PTPRE: variants seen among roughly 807,000 people sequenced by gnomAD.
PTPRE encodes the protein receptor-type tyrosine-protein phosphatase epsilon.
Under a neutral mutation model 102.0 loss-of-function variants are expected in PTPRE, and 51 were observed. The observed-to-expected ratio is 0.50, with a 90% CI of 0.40 to 0.63. The LOEUF (loss-of-function observed/expected upper bound fraction) is 0.63, where lower values mean the gene tolerates loss of function less well. Among genes scored for constraint, PTPRE ranks in the 30% least tolerant of loss-of-function variants. PTPRE has a pLI of 0.00. For missense variants in PTPRE, 752 were observed against 915.1 expected, an observed-to-expected ratio of 0.82 and a Z score of 2.30; for synonymous variants, 345 against 348.2, an observed-to-expected ratio of 0.99 and a Z score of 0.10.
intron 1 of PTPRE, among the ~76,000 whole-genome samples, chr10:127,931,043 G>C (rs1025821198): frequency 6.6e-6 from 1 of 151,972 alleles, no homozygotes; most frequent in Non-Finnish European, 1.5e-5. Context: ...CACCCGCCTC[G>C]GCCTTCCAAA....
At chr10:128,027,858 G>C (rs1846397579) in intron 2 of PTPRE, among the ~76,000 whole-genome samples, 1 of 152,166 alleles carries the variant, frequency 6.6e-6, no homozygotes, top group Non-Finnish European at 1.5e-5. Context: ...CCTGACGTTT[G>C]AGCCCACCTG....
At chr10:127,963,700 G>C (rs1850012591) in intron 1 of PTPRE, among the ~76,000 whole-genome samples, 2 of 152,080 alleles carry the variant, frequency 1.3e-5, no homozygotes, top group Admixed American at 6.5e-5. Context: ...ATGCATGCGT[G>C]CGTGCACACA....
At chr10:127,942,433 C>T (rs1040827063) in intron 1 of PTPRE, among the ~76,000 whole-genome samples, 6 of 152,226 alleles carry the variant, frequency 3.9e-5, no homozygotes, top group African/African-American at 1.4e-4. Flanking sequence ...GGGCACTCAA[C>T]TTGATCCTTT....
chr10:128,015,980 A>T (rs556288574), intron 2 of PTPRE, among the ~76,000 whole-genome samples: 1 of 152,292 alleles, frequency 6.6e-6, no homozygotes, highest in South Asian at 2.1e-4. Flanking sequence ...GCGTGTTTCC[A>T]CTTAGAGGAA....
intron 1 of PTPRE, among the ~76,000 whole-genome samples, chr10:127,932,438 G>C (rs749912689): frequency 1.3e-5 from 2 of 152,208 alleles, no homozygotes; most frequent in African/African-American, 4.8e-5. Flanking sequence ...TATGTGTACA[G>C]TTCTTCTGGG....
At chr10:127,998,091 A>G (rs1853458514) in intron 2 of PTPRE, 2 of 152,252 alleles carry the variant, frequency 1.3e-5, no homozygotes, top group African/African-American at 4.8e-5. Flanking sequence ...CATGACAACC[A>G]GTGGAAATAA....
At chr10:128,002,941 G>A (rs1854119812) in intron 2 of PTPRE, among the ~76,000 whole-genome samples, 1 of 152,196 alleles carries the variant, frequency 6.6e-6, no homozygotes, top group South Asian at 2.1e-4. Flanking sequence ...TGATCCCCCT[G>A]CCTTGGCTTC....
At chr10:128,002,709 TTTTTTTTTTTTG>T (rs2135562673) in intron 2 of PTPRE, among the ~76,000 whole-genome samples, 3 of 133,580 alleles carry the variant, frequency 2.2e-5, no homozygotes, top group East Asian at 2.2e-4. Flanking sequence ...TTTTTTTTTT[TTTTTTTTTTTTG>T]AGACAGGGTC....
rs1426841625 is a variant in PTPRE, at chr10:128,008,375, A to G, written c.-8+26079A>G. Among the ~76,000 whole-genome samples, 4 of 152,144 alleles carry G rather than the reference A, an allele frequency of 2.6e-5. No individual in the cohort carries two copies. Among genetic ancestry groups the G allele is most frequent in the African/African-American group, 9.7e-5 (4 of 41,428 alleles). ...GTGAGATAAAGTCCCTGGGATGCCA[A>G]GCTCTCTCTGGACCTGAAAAAGCCT... On this transcript the variant is annotated intron_variant, in intron 2 of 20. Coordinates refer to ENST00000254667, the MANE Select transcript of PTPRE (RefSeq NM_006504.6). This position sits in a 1 kb window ranked among gnomAD's most constrained non-coding sequence, Gnocchi z 4.0.
At chr10:127,922,493 G>T (rs1306323372) in intron 1 of PTPRE, among the ~76,000 whole-genome samples, 1 of 152,214 alleles carries the variant, frequency 6.6e-6, no homozygotes, top group Non-Finnish European at 1.5e-5. Flanking sequence ...GATTGAGAAG[G>T]CCTCATGCCA....
intron 9 of PTPRE, among the ~76,000 whole-genome samples, chr10:128,062,327 T>C (rs1849679456): frequency 6.6e-6 from 1 of 152,172 alleles, no homozygotes; most frequent in South Asian, 2.1e-4. Context: ...TTGTTACAAA[T>C]GCAGAATCTC....
intron 1 of PTPRE, among the ~76,000 whole-genome samples, chr10:127,961,263 T>A (rs1028513653): frequency 9.9e-5 from 15 of 152,194 alleles, no homozygotes; most frequent in Admixed American, 3.3e-4. Context: ...TGCAGTCTAA[T>A]TATTTCCTAT....
rs142033491 is a variant in PTPRE at position 128,018,088 on chromosome 10, C to T, written c.-7-22787C>T. ...GCCTGCCCTGCAGAGCCCAGCAGCC[C>T]GGGCTGAGAGTGGAAATTCCCAGAG... On this transcript the variant is annotated intron_variant, in intron 2 of 20. Coordinates refer to ENST00000254667, the MANE Select transcript of PTPRE (RefSeq NM_006504.6). Among the ~76,000 whole-genome samples the T allele has an allele frequency of 1.8e-4, 28 of 152,102 alleles. No homozygotes were observed. In the East Asian group the frequency reaches 3.1e-3, roughly 17 times the overall value.
intron 1 of PTPRE, among the ~76,000 whole-genome samples, chr10:127,941,941 C>G (rs1848277474): frequency 6.6e-6 from 1 of 152,102 alleles, no homozygotes; most frequent in Non-Finnish European, 1.5e-5. Context: ...TTGATCTCAT[C>G]AGTGTGGCCC....
intron 1 of PTPRE, among the ~76,000 whole-genome samples, chr10:127,933,491 T>C (rs892035858): frequency 2.6e-5 from 4 of 152,226 alleles, no homozygotes; most frequent in African/African-American, 9.6e-5. Context: ...CCACGCGTTC[T>C]GGATGAAAAT....
chr10:128,078,346 G>T (rs1220213863), intron 19 of PTPRE, among the ~76,000 whole-genome samples: 2 of 152,252 alleles, frequency 1.3e-5, no homozygotes, highest in Admixed American at 1.3e-4. Context: ...GTGAAACACA[G>T]CACGCCCAGG....
intron 1 of PTPRE, among the ~76,000 whole-genome samples, chr10:127,912,305 G>C (rs1254633718): frequency 2.0e-5 from 3 of 152,176 alleles, no homozygotes; most frequent in Non-Finnish European, 4.4e-5. Context: ...ATATATTTCA[G>C]AAAAATAAAC....
At chr10:127,995,853 A>ACACG (rs1042755703) in intron 2 of PTPRE, among the ~76,000 whole-genome samples, 1 of 140,480 alleles carries the variant, frequency 7.1e-6, no homozygotes. Flanking sequence ...ACACACACAC[A>ACACG]CACGCACGCA....
intron 2 of PTPRE, among the ~76,000 whole-genome samples, chr10:128,040,478 A>G (rs6482651): frequency 0.23 from 34,845 of 151,860 alleles, 4,330 homozygotes; most frequent in African/African-American, 0.3. Context: ...GGAGGGGTAG[A>G]GTTAGCAGGG....
Sources: allele counts gnomAD v4.1 joint callset (sites outside exome capture counted in the v4.1 genomes callset), GRCh38; gene constraint gnomAD v4.1.1; non-coding constraint Gnocchi (gnomAD v3.1); transcripts MANE v1.5; gene names NCBI Gene and HGNC (gene_info 2026-07-23, HGNC 2026-07-21).